Variants in OR56A3 observed in about 807,000 individuals in gnomAD.
The protein encoded by OR56A3 is olfactory receptor 56A3.
OR56A3 carries 23 observed loss-of-function variants against 17.5 expected under a neutral mutation model. That is an observed-to-expected ratio of 1.32 (90% CI 0.95 to 1.87). OR56A3 has a LOEUF of 1.87. Ranked by LOEUF, OR56A3 falls within the 40% of genes most tolerant of loss-of-function variation. OR56A3 has a pLI of 0.00. For missense variants in OR56A3, 366 were observed against 380.1 expected (o/e 0.96, Z 0.31); for synonymous variants, 175 against 150.6 (o/e 1.16, Z -1.19).
chr11:5,967,854 A>G, the OR56A3 span: 1 of 1,569,084 alleles, frequency 6.4e-7, no homozygotes, highest in Non-Finnish European at 8.7e-7. Context: ...AATAAGGATG[A>G]GGTCAGAGCC....
At chr11:5,986,506 A>T in the OR56A3 span, 2 of 1,613,880 alleles carry the variant, frequency 1.2e-6, no homozygotes, top group Non-Finnish European at 1.7e-6. Context: ...ACAAATGGCT[A>T]CATAGCGATC....
At chr11:5,945,259 G>A (rs1352118768) in intron 2 of OR56A3, among the ~76,000 whole-genome samples, 177 bp downstream of exon 2, 1 of 152,104 alleles carries the variant, frequency 6.6e-6, no homozygotes, top group Admixed American at 6.6e-5. Context: ...GATCAGTGGG[G>A]CAAATACGTA....
chr11:5,999,303 G>A, the OR56A3 span: 3 of 152,196 alleles, frequency 2.0e-5, no homozygotes, highest in Non-Finnish European at 2.9e-5. Context: ...GGCAGCAGGG[G>A]AAGCAGCAAG....
At chr11:5,979,501 G>C in the OR56A3 span, among the ~76,000 whole-genome samples, 1 of 152,006 alleles carries the variant, frequency 6.6e-6, no homozygotes, top group Non-Finnish European at 1.5e-5. Flanking sequence ...TATCATTTGT[G>C]TCTGTAGAGA....
chr11:5,968,191 G>C, the OR56A3 span: 1 of 1,614,206 alleles, frequency 6.2e-7, no homozygotes, highest in Non-Finnish European at 8.5e-7. Context: ...AACACCTGAA[G>C]GAAGCAGGCA....
the OR56A3 span, chr11:5,967,272 A>G: frequency 1.1e-5 from 4 of 362,442 alleles, no homozygotes; most frequent in South Asian, 2.0e-4. Flanking sequence ...AAACCATACA[A>G]TTCTAAGCTC....
At chr11:5,976,137 C>T in the OR56A3 span, among the ~76,000 whole-genome samples, 1,970 of 150,292 alleles carry the variant, frequency 0.013, 49 homozygotes, top group African/African-American at 0.046. Context: ...AGGAAAGGAA[C>T]TGGGAGAGGG....
the OR56A3 span, among the ~76,000 whole-genome samples, chr11:5,959,151 G>A: frequency 1.3e-5 from 2 of 152,116 alleles, no homozygotes. Flanking sequence ...CCAGTAGTGG[G>A]AATGCTAGAT....
downstream of OR56A3, among the ~76,000 whole-genome samples, chr11:5,952,515 G>A (rs1847913262): frequency 6.6e-6 from 1 of 151,326 alleles, no homozygotes; most frequent in Non-Finnish European, 1.5e-5. Flanking sequence ...ATTATTGTTT[G>A]TTGTGTTTTT....
At position 5,950,924 on chromosome 11, in the gene OR56A3, T is replaced by C. The variant is rs1370262843; in HGVS notation, c.*2630T>C. The C allele has an allele frequency of 6.6e-6, 1 of 152,148 alleles. No homozygotes were observed. The highest frequency in any genetic ancestry group is 2.4e-5 in the African/African-American group (1 of 41,446). 9.4% of individuals were successfully genotyped at this position (152,148 alleles called of 1,614,324 possible). On this transcript the variant is annotated 3_prime_UTR_variant, in exon 3 of 3. Transcript: ENST00000641160. ...AGAAAATAAAGTTAATTAGAAAATA[T>C]GTATTCTTCTTGAAATACATCTTAT...
At chr11:5,969,172 C>A in the OR56A3 span, among the ~76,000 whole-genome samples, 1 of 152,186 alleles carries the variant, frequency 6.6e-6, no homozygotes, top group Non-Finnish European at 1.5e-5. Context: ...AAGTGCAATT[C>A]AATGTTCCTA....
the OR56A3 span, chr11:5,995,032 C>T: frequency 6.2e-6 from 4 of 641,290 alleles, no homozygotes; most frequent in East Asian, 2.8e-5. Flanking sequence ...GATCCGGGAA[C>T]CTGAGGCCCC....
chr11:5,987,180 G>C, the OR56A3 span, among the ~76,000 whole-genome samples: 1 of 152,160 alleles, frequency 6.6e-6, no homozygotes, highest in Admixed American at 6.5e-5. Flanking sequence ...CTACTATTCA[G>C]TTGCTTATAT....
chr11:6,006,021 A>C, the OR56A3 span, among the ~76,000 whole-genome samples: 1 of 152,242 alleles, frequency 6.6e-6, no homozygotes, highest in Non-Finnish European at 1.5e-5. Flanking sequence ...AGATCTGAAC[A>C]AAAGTAATAA....
chr11:5,946,162 T>C (rs1218496513), intron 2 of OR56A3, among the ~76,000 whole-genome samples: 1 of 152,210 alleles, frequency 6.6e-6, no homozygotes, highest in African/African-American at 2.4e-5. Context: ...TTAATGTAAA[T>C]GTGGGTACCA....
the OR56A3 span, chr11:5,994,639 G>A: frequency 1.3e-6 from 1 of 777,372 alleles, no homozygotes. Context: ...TCACAGACTG[G>A]CACATGGCCA....
At chr11:5,965,205 G>T in the OR56A3 span, among the ~76,000 whole-genome samples, 80 of 152,266 alleles carry the variant, frequency 5.3e-4, 1 homozygote, top group African/African-American at 1.9e-3. Flanking sequence ...AATAAAATTA[G>T]TCTCCACATG....
chr11:5,950,404 C>G lies in OR56A3; in HGVS notation c.*2110C>G, dbSNP rs75420319. 69 of 152,218 alleles carry G rather than the reference C, an allele frequency of 4.5e-4. No homozygotes were observed. The highest frequency in any genetic ancestry group is 1.6e-3 in the African/African-American group (68 of 41,572). 9.4% of individuals were successfully genotyped at this position (152,218 alleles called of 1,614,324 possible). A position where few individuals can be genotyped will look rare whatever the true frequency, so the allele number is the denominator to read the frequency against. On this transcript the variant is annotated 3_prime_UTR_variant, in exon 3 of 3. Transcript: ENST00000641160. The stretch of plus-strand genomic sequence containing the variant: ...TTTTAAAAGTATTTGCCTGAAAAAT[C>G]TGTTTTGCTTCACTTATATGTAATT...
chr11:6,011,204 T>TATA, the OR56A3 span, among the ~76,000 whole-genome samples: 42 of 122,524 alleles, frequency 3.4e-4, no homozygotes, highest in South Asian at 9.6e-4. Flanking sequence ...GAGATTTATT[T>TATA]TATATATATA....
Sources: allele counts gnomAD v4.1 joint callset (sites outside exome capture counted in the v4.1 genomes callset), GRCh38; gene constraint gnomAD v4.1.1; transcripts MANE v1.5; gene names NCBI Gene and HGNC (gene_info 2026-07-23, HGNC 2026-07-21).